Variants in MINDY2 observed in about 807,000 individuals in gnomAD.
MINDY2 encodes the protein ubiquitin carboxyl-terminal hydrolase MINDY-2.
Under a neutral mutation model 68.2 loss-of-function variants are expected in MINDY2, and 52 were observed. That is an observed-to-expected ratio of 0.76 (90% CI 0.61 to 0.96). The LOEUF (loss-of-function observed/expected upper bound fraction) is 0.96. Among genes scored for constraint, MINDY2 ranks in the 40% least tolerant of loss-of-function variants. The pLI, the probability that MINDY2 is intolerant of heterozygous loss-of-function variation, is 0.00. For missense variants in MINDY2, 881 were observed against 773.4 expected (o/e 1.14, Z -1.65); for synonymous variants, 372 against 303.0 (o/e 1.23, Z -2.36).
chr15:58,850,664 G>C lies in MINDY2; in HGVS notation c.1543-1107G>C, dbSNP rs147916342. 3.5e-3 allele frequency among the ~76,000 whole-genome samples: 524 copies of C among 151,576 alleles called. 5 individuals carry two copies. Among genetic ancestry groups the C allele is most frequent in the African/African-American group, 0.012 (501 of 41,326 alleles). ...AATGGTGTGATCACAGCTCACTGCA[G>C]CCTCAACTTTCTGGCCTCAAGTGAT... On this transcript the variant is annotated intron_variant, in intron 7 of 8. Transcript: ENST00000559228.
At chr15:58,849,507 A>G (rs793571) in intron 7 of MINDY2, among the ~76,000 whole-genome samples, 39,845 of 151,754 alleles carry the variant, frequency 0.26, 5,546 homozygotes, top group East Asian at 0.48. Context: ...TCCGTCTCAA[A>G]AAAGAAAAAA....
chr15:58,838,328 G>T (rs1324409914), intron 6 of MINDY2, among the ~76,000 whole-genome samples: 2 of 151,198 alleles, frequency 1.3e-5, no homozygotes, highest in Non-Finnish European at 3.0e-5. Flanking sequence ...AATCCAGGAG[G>T]CGGAGGTTGT....
chr15:58,807,353 C>CTTTTTT (rs58768604), intron 3 of MINDY2, among the ~76,000 whole-genome samples: 5 of 109,020 alleles, frequency 4.6e-5, no homozygotes, highest in East Asian at 5.5e-4. Context: ...TTAAAATAGT[C>CTTTTTT]TTTTTTTTTT....
At chr15:58,806,309 A>G (rs1006638885) in intron 3 of MINDY2, among the ~76,000 whole-genome samples, 1 of 151,064 alleles carries the variant, frequency 6.6e-6, no homozygotes, top group Non-Finnish European at 1.5e-5. Flanking sequence ...CCTGGCCTCA[A>G]GTGATCCACC....
At chr15:58,816,932 C>G (rs2030725915) in intron 4 of MINDY2, among the ~76,000 whole-genome samples, 1 of 152,026 alleles carries the variant, frequency 6.6e-6, no homozygotes, top group African/African-American at 2.4e-5. Flanking sequence ...CCACCGTACT[C>G]CAGCCTGGGC....
chr15:58,838,056 G>C (rs1392040141), intron 6 of MINDY2, among the ~76,000 whole-genome samples: 7 of 150,330 alleles, frequency 4.7e-5, no homozygotes, highest in African/African-American at 1.7e-4. Context: ...CTTTCTCTTT[G>C]GAACATCTAT....
At position 58,787,957 on chromosome 15, in the gene MINDY2, T is replaced by C; in HGVS notation, c.892T>C (p.Tyr298His). 6.3e-7 allele frequency: 1 copy of C among 1,582,822 alleles called. No individual in the cohort carries two copies. The highest frequency in any genetic ancestry group is 8.6e-7 in the Non-Finnish European group (1 of 1,166,528). Residue 298 changes from tyrosine (Y) to histidine (H), a missense_variant, in exon 2 of 9, where the codon TAT becomes CAT. Transcript: ENST00000559228. ...EIITAEQLMEYLGDYMLDAKP... is the reference protein window; with the variant it reads ...EIITAEQLMEHLGDYMLDAKP... ...CATAACTGCTGAGCAGCTGATGGAATATTTAGGTTAGTGTTGAAAAGTGGA... is the reference window on the plus strand; with the variant it reads ...CATAACTGCTGAGCAGCTGATGGAACATTTAGGTTAGTGTTGAAAAGTGGA...
chr15:58,846,758 C>T (rs575152100), intron 6 of MINDY2, among the ~76,000 whole-genome samples: 16 of 152,098 alleles, frequency 1.1e-4, no homozygotes, highest in South Asian at 8.3e-4. Flanking sequence ...CTACGAAACA[C>T]GTACAAAACA....
intron 2 of MINDY2, among the ~76,000 whole-genome samples, chr15:58,793,126 G>A (rs1248116662): frequency 1.3e-5 from 2 of 152,176 alleles, no homozygotes; most frequent in African/African-American, 4.8e-5. Context: ...ATGGGTACAG[G>A]GTTTCTTTTA....
chr15:58,814,801 T>G (rs1595742472), intron 4 of MINDY2, among the ~76,000 whole-genome samples: 4 of 150,794 alleles, frequency 2.7e-5, no homozygotes, highest in African/African-American at 9.7e-5. Context: ...TAACTTTTTT[T>G]TTTTTTTTTT....
At chr15:58,785,781 A>G (rs1901458008) in intron 1 of MINDY2, among the ~76,000 whole-genome samples, 1 of 151,962 alleles carries the variant, frequency 6.6e-6, no homozygotes, top group Non-Finnish European at 1.5e-5. Context: ...GGTTCAAGCA[A>G]TTCTCCTGCC....
At chr15:58,850,981 GT>G (rs1490193607) in intron 7 of MINDY2, among the ~76,000 whole-genome samples, 1 of 149,632 alleles carries the variant, frequency 6.7e-6, no homozygotes, top group African/African-American at 2.5e-5. Flanking sequence ...CCAATTTTTT[GT>G]TTTTTTTTCA....
intron 7 of MINDY2, 80 bp from the exon 8 acceptor site, chr15:58,851,691 A>T: frequency 9.5e-7 from 1 of 1,054,112 alleles, no homozygotes; most frequent in Non-Finnish European, 1.3e-6. Context: ...ACAGCTTTAT[A>T]GATATAACGT....
At position 58,861,172 on chromosome 15, in the gene MINDY2, G is replaced by A. The variant is rs1349224180; in HGVS notation, c.*6562G>A. 1 of 152,154 alleles carries A rather than the reference G, an allele frequency of 6.6e-6. No homozygotes were observed. Among genetic ancestry groups the A allele is most frequent in the African/African-American group, 2.4e-5 (1 of 41,420 alleles). 9.4% of individuals were successfully genotyped at this position (152,154 alleles called of 1,614,324 possible). ...GCACATATTTTGAGGAGTAGCAAGTGGAATGGTATAATGACTACAGAGAAA... is the reference window on the plus strand; with the variant it reads ...GCACATATTTTGAGGAGTAGCAAGTAGAATGGTATAATGACTACAGAGAAA... On this transcript the variant is annotated 3_prime_UTR_variant, in exon 9 of 9. Coordinates refer to ENST00000559228, the MANE Select transcript of MINDY2 (RefSeq NM_001040450.3).
chr15:58,858,531 A>T lies in MINDY2; in HGVS notation c.*3921A>T, dbSNP rs1595794801. ...AGGCCAATAAATAAAATAATTGTTC[A>T]TATATTAATGTTCACATGTGAACTA... On this transcript the variant is annotated 3_prime_UTR_variant, in exon 9 of 9. Coordinates refer to ENST00000559228, the MANE Select transcript of MINDY2 (RefSeq NM_001040450.3). 1 of 152,184 alleles carries T rather than the reference A, an allele frequency of 6.6e-6. No homozygotes were observed. The highest frequency in any genetic ancestry group is 2.1e-4 in the South Asian group (1 of 4,832). The allele number at this position is 152,184 out of a possible 1,614,324, so 9.4% of individuals were successfully genotyped here.
intron 5 of MINDY2, among the ~76,000 whole-genome samples, chr15:58,824,721 G>A (rs1367124021): frequency 6.7e-6 from 1 of 149,334 alleles, no homozygotes; most frequent in East Asian, 2.0e-4. Flanking sequence ...CCAGGCTGGA[G>A]TGTAGTGGCA....
At chr15:58,845,078 G>A (rs1031640833) in intron 6 of MINDY2, among the ~76,000 whole-genome samples, 67 of 151,930 alleles carry the variant, frequency 4.4e-4, no homozygotes, top group African/African-American at 1.5e-3. Context: ...TTTAAAACGG[G>A]AAAATGATTT....
At chr15:58,838,301 G>C (rs1202155926) in intron 6 of MINDY2, among the ~76,000 whole-genome samples, 1 of 151,944 alleles carries the variant, frequency 6.6e-6, no homozygotes, top group African/African-American at 2.4e-5. Context: ...AGAAGGCTGA[G>C]ACAGGAGAAT....
chr15:58,834,415 T>G (rs2031895991), intron 6 of MINDY2, among the ~76,000 whole-genome samples: 1 of 152,308 alleles, frequency 6.6e-6, no homozygotes, highest in South Asian at 2.1e-4. Flanking sequence ...CTACTTCTAC[T>G]CTCCTCAAAC....
Sources: gnomAD v4.1 joint callset for allele counts (sites outside exome capture counted in the v4.1 genomes callset) on GRCh38, gnomAD v4.1.1 for gene constraint, MANE v1.5 for transcripts, NCBI Gene and HGNC (gene_info 2026-07-23, HGNC 2026-07-21) for gene names.